PPP2R5D: variants seen among roughly 807,000 people sequenced by gnomAD.
PPP2R5D encodes the protein protein phosphatase 2 regulatory subunit B'delta.
PPP2R5D carries 12 observed loss-of-function variants against 79.1 expected under a neutral mutation model. The ratio of observed to expected loss-of-function variants is 0.15; its 90% CI spans 0.10 to 0.25. The LOEUF is 0.25. Ranked by LOEUF, PPP2R5D falls within the 10% of genes least tolerant of loss-of-function variation. The pLI, the probability that PPP2R5D is intolerant of heterozygous loss-of-function variation, is 1.00. For synonymous variants in PPP2R5D, 277 were observed against 286.6 expected (o/e 0.97, Z 0.34); for missense variants, 419 against 760.2 (o/e 0.55, Z 5.28).
At chr6:42,990,699 CTTTTTTTTT>C (rs70990164) in intron 2 of PPP2R5D, among the ~76,000 whole-genome samples, 2 of 51,596 alleles carry the variant, frequency 3.9e-5, no homozygotes, top group East Asian at 1.4e-3. Flanking sequence ...CAGTATTCTA[CTTTTTTTTT>C]TTTTTTTTTT....
chr6:43,010,232 A>C lies in PPP2R5D; in HGVS notation c.1380-236A>C, dbSNP rs1004903321. Among the ~76,000 whole-genome samples, 1 of 152,154 alleles carries C rather than the reference A, an allele frequency of 6.6e-6. No homozygotes were observed. The highest frequency in any genetic ancestry group is 1.5e-5 in the Non-Finnish European group (1 of 68,032). On this transcript the variant is annotated intron_variant, in intron 12 of 15. Transcript: ENST00000485511. This position sits in a 1 kb window ranked among gnomAD's most constrained non-coding sequence, Gnocchi z 4.7. ...ATGGGAGGTAGGCAGGCCTTGGAGC[A>C]TGGGGTGAGGGAAGGATGGACAGGT...
Position 43,007,171 on chromosome 6 carries a change from A to G in PPP2R5D, c.523-25A>G. On this transcript the variant is annotated intron_variant, in intron 4 of 15. Transcript: ENST00000485511. The surrounding 1 kb of genome is among the most constrained non-coding windows in gnomAD (Gnocchi z 4.5). ...AGGGGCTCTGGAGAAGCCCAGGTGG[A>G]GCTCTAACTGGCCCTACCCCTCAGT... is the stretch of plus-strand genomic sequence containing the variant. 6.2e-7 allele frequency: 1 copy of G among 1,613,998 alleles called. No individual in the cohort carries two copies. Among genetic ancestry groups the G allele is most frequent in the Non-Finnish European group, 8.5e-7 (1 of 1,179,912 alleles).
In PPP2R5D at chr6:43,007,729, C is replaced by T. The variant is rs866645308; in HGVS notation, c.727-206C>T. Reference sequence around the variant, plus strand: ...AACAAAAAAGCAACAGAGTACCTCTCTCAGGTCAATAGTGAGGCATCACTT... The same window carrying T: ...AACAAAAAAGCAACAGAGTACCTCTTTCAGGTCAATAGTGAGGCATCACTT... On this transcript the variant is annotated intron_variant, in intron 6 of 15. Coordinates refer to ENST00000485511, the MANE Select transcript of PPP2R5D (RefSeq NM_006245.4). The surrounding 1 kb of genome is among the most constrained non-coding windows in gnomAD (Gnocchi z 4.5). Among the ~76,000 whole-genome samples the T allele has an allele frequency of 2.0e-5, 3 of 152,216 alleles. No individual in the cohort carries two copies. Among genetic ancestry groups the T allele is most frequent in the African/African-American group, 7.2e-5 (3 of 41,450 alleles).
At position 43,007,129 on chromosome 6, in the gene PPP2R5D, C is replaced by A; in HGVS notation, c.522+19C>A. The A allele has an allele frequency of 6.2e-7, 1 of 1,614,088 alleles. No individual in the cohort carries two copies. The highest frequency in any genetic ancestry group is 8.5e-7 in the Non-Finnish European group (1 of 1,179,984). ...CACCATGGTGGGCACAGGGAAAGGA[C>A]ACAGGGGGGACTGGTGAGGGGCTCT... On this transcript the variant is annotated intron_variant, in intron 4 of 15. Coordinates refer to ENST00000485511, the MANE Select transcript of PPP2R5D (RefSeq NM_006245.4). The surrounding 1 kb of genome is among the most constrained non-coding windows in gnomAD (Gnocchi z 4.5).
chr6:43,006,954 A>T lies in PPP2R5D; in HGVS notation c.366A>T (p.Leu122=). 1 of 1,614,058 alleles carries T rather than the reference A, an allele frequency of 6.2e-7. No individual in the cohort carries two copies. Among genetic ancestry groups the T allele is most frequent in the Non-Finnish European group, 8.5e-7 (1 of 1,180,004 alleles). Residue 122 remains leucine (L), a synonymous_variant, in exon 4 of 16, where the codon CTA becomes CTT. Transcript: ENST00000485511. The surrounding 1 kb of genome is among the most constrained non-coding windows in gnomAD (Gnocchi z 4.7). ...QEREELFIQK[L]RQCCVLFDFV... ...GGGAGGAGCTGTTTATCCAGAAGCTACGCCAGTGCTGTGTCCTCTTTGACT... is the reference window on the plus strand; with the variant it reads ...GGGAGGAGCTGTTTATCCAGAAGCTTCGCCAGTGCTGTGTCCTCTTTGACT...
At position 43,008,779 on chromosome 6, in the gene PPP2R5D, C is replaced by T. The variant is rs1268120106; in HGVS notation, c.1080+33C>T. The T allele has an allele frequency of 6.3e-7, 1 of 1,599,348 alleles. No homozygotes were observed. The highest frequency in any genetic ancestry group is 8.6e-7 in the Non-Finnish European group (1 of 1,167,270). ...CCCTTCCGGGCCCCAAGGCCCACCTCTTACTGTCAGCATCACTTGCCAGTC... is the reference window on the plus strand; with the variant it reads ...CCCTTCCGGGCCCCAAGGCCCACCTTTTACTGTCAGCATCACTTGCCAGTC... On this transcript the variant is annotated intron_variant, in intron 10 of 15. Coordinates refer to ENST00000485511, the MANE Select transcript of PPP2R5D (RefSeq NM_006245.4). The surrounding 1 kb of genome is among the most constrained non-coding windows in gnomAD (Gnocchi z 4.2).
intron 1 of PPP2R5D, among the ~76,000 whole-genome samples, chr6:42,989,110 T>TAGCA (rs1466712642): frequency 3.3e-5 from 5 of 152,200 alleles, no homozygotes; most frequent in Non-Finnish European, 7.3e-5. Context: ...AAATGCTGAG[T>TAGCA]AGCACCCTCT....
At chr6:43,005,305 G>C (rs1762012998) in intron 2 of PPP2R5D, among the ~76,000 whole-genome samples, 1 of 151,598 alleles carries the variant, frequency 6.6e-6, no homozygotes, top group South Asian at 2.1e-4. Context: ...TATCTTTAGA[G>C]ACAGTGTTGT....
Position 43,010,945 on chromosome 6 carries a change from C to T in PPP2R5D, c.1619C>T (p.Thr540Ile), listed in dbSNP as rs769459377. 2.5e-6 allele frequency: 4 copies of T among 1,614,200 alleles called. No individual in the cohort carries two copies. The highest frequency in any genetic ancestry group is 3.4e-6 in the Non-Finnish European group (4 of 1,180,034). The change falls in exon 15 of 16, where the codon ACA becomes ATA. Residue 540 changes from threonine (T) to isoleucine (I), a missense_variant. By Grantham distance (89) the Thr-to-Ile change is moderately conservative (BLOSUM62 -1). Transcript: ENST00000485511. This position sits in a 1 kb window ranked among gnomAD's most constrained non-coding sequence, Gnocchi z 4.7. ...PVYSMETETP[T>I]AEDIQLLKRT... is the part of the protein sequence containing the mutation. ...TACTCGATGGAGACAGAGACCCCCA[C>T]AGCTGAGGACATCCAGCTTCTGAAG...
At chr6:42,991,847 G>T (rs1289395568) in intron 2 of PPP2R5D, among the ~76,000 whole-genome samples, 1 of 152,182 alleles carries the variant, frequency 6.6e-6, no homozygotes, top group African/African-American at 2.4e-5. Context: ...AAGACAATGG[G>T]TCTATTACAA....
rs1222786825 is a variant in PPP2R5D at position 43,011,154 on chromosome 6, A to T, written c.1677A>T (p.Leu559=). 3 of 1,614,154 alleles carry T rather than the reference A, an allele frequency of 1.9e-6. No homozygotes were observed. Among genetic ancestry groups the T allele is most frequent in the Non-Finnish European group, 2.5e-6 (3 of 1,180,006 alleles). The part of the protein sequence containing the change: ...RTVETEAVQM[L]KDIKKEKVLL... ...TTGTCCCTATTCACACACAGATGCT[A>T]AAAGACATCAAGAAGGAGAAAGTGC... is the stretch of plus-strand genomic sequence containing the variant. The change falls in exon 16 of 16, where the codon CTA becomes CTT. Residue 559 remains leucine (L), a synonymous_variant. Transcript: ENST00000485511.
intron 2 of PPP2R5D, among the ~76,000 whole-genome samples, chr6:43,001,006 C>A (rs574368579): frequency 6.6e-6 from 1 of 152,140 alleles, no homozygotes; most frequent in Non-Finnish European, 1.5e-5. Flanking sequence ...GGTGAGCAGT[C>A]ACAGCGCCAA....
intron 1 of PPP2R5D, among the ~76,000 whole-genome samples, chr6:42,985,607 T>C: frequency 6.7e-6 from 1 of 149,828 alleles, no homozygotes. Context: ...CATTTTTCCT[T>C]TTTTTTTTTC....
At chr6:42,991,223 C>T (rs1299036087) in intron 2 of PPP2R5D, among the ~76,000 whole-genome samples, 1 of 152,128 alleles carries the variant, frequency 6.6e-6, no homozygotes, top group African/African-American at 2.4e-5. Context: ...GTCTCCCTTT[C>T]AGGAATGATT....
Position 42,999,325 on chromosome 6 carries a change from T to C in PPP2R5D, c.106-7138T>C, listed in dbSNP as rs372448151. Among the ~76,000 whole-genome samples the C allele has an allele frequency of 5.3e-5, 8 of 152,300 alleles. No homozygotes were observed. The South Asian group carries it at 6.2e-4, about 12-fold the overall frequency. ...GGGTGAATAGACAGCGGATACCTCA[T>C]TGGGGCTTGGCAGCCAGGGGCTTCG... On this transcript the variant is annotated intron_variant, in intron 2 of 15. Coordinates refer to ENST00000485511, the MANE Select transcript of PPP2R5D (RefSeq NM_006245.4).
At position 43,006,700 on chromosome 6, in the gene PPP2R5D, G is replaced by A; in HGVS notation, c.322+21G>A. ...GAAAGGTACTTGGCAATTGGTCACA[G>A]GGGCTGTTTTACCAGTTCTAGTGGG... is the stretch of plus-strand genomic sequence containing the variant. On this transcript the variant is annotated intron_variant, in intron 3 of 15. Coordinates refer to ENST00000485511, the MANE Select transcript of PPP2R5D (RefSeq NM_006245.4). The surrounding 1 kb of genome is among the most constrained non-coding windows in gnomAD (Gnocchi z 4.7). 1 of 1,610,354 alleles carries A rather than the reference G, an allele frequency of 6.2e-7. No homozygotes were observed. The highest frequency in any genetic ancestry group is 8.5e-7 in the Non-Finnish European group (1 of 1,177,532).
rs180957929 is a variant in PPP2R5D, at chr6:43,002,829, T to A, written c.106-3634T>A. Among the ~76,000 whole-genome samples the A allele has an allele frequency of 3.0e-3, 450 of 152,210 alleles. 3 individuals carry two copies. Among genetic ancestry groups the A allele is most frequent in the African/African-American group, 0.011 (437 of 41,530 alleles). On this transcript the variant is annotated intron_variant, in intron 2 of 15. Transcript: ENST00000485511. ...ATTATTATGGTAAGGAGTAAGAGTT[T>A]GGGATGGGAGCTGGAGAGGAGCGGG...
intron 2 of PPP2R5D, among the ~76,000 whole-genome samples, chr6:42,995,527 C>CT (rs1368922455): frequency 6.6e-6 from 1 of 150,562 alleles, no homozygotes; most frequent in African/African-American, 2.5e-5. Context: ...TCTCCTGTGT[C>CT]TTTTTTTGCC....
intron 2 of PPP2R5D, among the ~76,000 whole-genome samples, chr6:42,995,720 T>A (rs1771613225): frequency 6.8e-6 from 1 of 146,682 alleles, no homozygotes; most frequent in African/African-American, 2.6e-5. Flanking sequence ...GCCCAACTAA[T>A]TTTTCTCCTT....
Sources: allele counts gnomAD v4.1 joint callset (sites outside exome capture counted in the v4.1 genomes callset), GRCh38; gene constraint gnomAD v4.1.1; non-coding constraint Gnocchi (gnomAD v3.1); transcripts MANE v1.5; gene names NCBI Gene and HGNC (gene_info 2026-07-23, HGNC 2026-07-21).